Variants in ZNF736 observed in about 807,000 individuals in gnomAD.
The protein encoded by ZNF736 is KRAB-containing zinc-finger repressor protein.
ZNF736 carries 6 observed loss-of-function variants against 11.7 expected under a neutral mutation model. The observed-to-expected ratio is 0.51, with a 90% CI of 0.28 to 1.01. ZNF736 has a LOEUF of 1.01. Ranked by LOEUF, ZNF736 falls within the 50% of genes least tolerant of loss-of-function variation. The pLI, the probability that ZNF736 is intolerant of heterozygous loss-of-function variation, is 0.09. For missense variants in ZNF736, 444 were observed against 496.0 expected (o/e 0.90, Z 1.00); for synonymous variants, 139 against 164.7 (o/e 0.84, Z 1.19).
chr7:64,327,361 A>G (rs1789096678), intron 1 of ZNF736, among the ~76,000 whole-genome samples: 1 of 151,968 alleles, frequency 6.6e-6, no homozygotes, highest in Non-Finnish European at 1.5e-5. Flanking sequence ...TTCCATTTGC[A>G]TGAAATATCT....
chr7:64,326,285 T>C (rs1789081760), intron 1 of ZNF736, among the ~76,000 whole-genome samples: 1 of 152,176 alleles, frequency 6.6e-6, no homozygotes, highest in South Asian at 2.1e-4. Context: ...TGCCCCAAAA[T>C]CTGCAGGCAG....
At chr7:64,347,982 A>C (rs1789433887) in intron 3 of ZNF736, 108 bp from the exon 4 acceptor site, 2 of 987,074 alleles carry the variant, frequency 2.0e-6, no homozygotes, top group South Asian at 3.7e-5. Flanking sequence ...AAGAATATAG[A>C]GCCTGTGGTA....
intron 1 of ZNF736, among the ~76,000 whole-genome samples, chr7:64,334,481 G>A (rs182798512): frequency 1.3e-5 from 2 of 152,154 alleles, no homozygotes; most frequent in East Asian, 3.9e-4. Flanking sequence ...GTGGGTGAAG[G>A]ATGTAAACAG....
chr7:64,340,322 G>A (rs1168493625), intron 3 of ZNF736, among the ~76,000 whole-genome samples: 1 of 152,170 alleles, frequency 6.6e-6, no homozygotes, highest in Non-Finnish European at 1.5e-5. Context: ...CCACAAACAG[G>A]CATCTTTCTC....
intron 1 of ZNF736, among the ~76,000 whole-genome samples, chr7:64,331,869 G>A (rs1451383902): frequency 6.6e-6 from 1 of 152,162 alleles, no homozygotes; most frequent in Non-Finnish European, 1.5e-5. Flanking sequence ...AGGCAACTGA[G>A]TGATGGAAAG....
chr7:64,319,513 T>A (rs1788973429), intron 1 of ZNF736, among the ~76,000 whole-genome samples: 9 of 120,370 alleles, frequency 7.5e-5, no homozygotes, highest in African/African-American at 1.0e-4. Context: ...TTTTTTTTTT[T>A]GAGACAGAGT....
At position 64,353,263 on chromosome 7, in the gene ZNF736, T is replaced by TC. The variant is rs1256950841; in HGVS notation, c.*4119dup. The stretch of plus-strand genomic sequence containing the variant: ...GGAGGTTCCCTTGGCTCCATGTTGT[T>TC]CCCAGGTGGCCCATTGTCCTGCCTT... On this transcript the variant is annotated 3_prime_UTR_variant, in exon 4 of 4. Coordinates refer to ENST00000423484, the MANE Select transcript of ZNF736 (RefSeq NM_001170905.3). 6.6e-6 allele frequency: 1 copy of TC among 152,216 alleles called. No homozygotes were observed. The highest frequency in any genetic ancestry group is 1.5e-5 in the Non-Finnish European group (1 of 68,082). 9.4% of individuals were successfully genotyped at this position (152,216 alleles called of 1,614,324 possible). A position where few individuals can be genotyped will look rare whatever the true frequency, so the allele number is the denominator to read the frequency against.
chr7:64,331,935 G>A (rs1477929472), intron 1 of ZNF736, among the ~76,000 whole-genome samples: 1 of 151,958 alleles, frequency 6.6e-6, no homozygotes, highest in Non-Finnish European at 1.5e-5. Context: ...AACCTCTCTT[G>A]TGATAAAGAA....
At position 64,355,304 on chromosome 7, in the gene ZNF736, G is replaced by T; in HGVS notation, c.*6157G>T. ...CTTTTCATATAGATTAATAAAATATGGTTTTAGTCTTCCTTCTCTATATTC... is the reference window on the plus strand; with the variant it reads ...CTTTTCATATAGATTAATAAAATATTGTTTTAGTCTTCCTTCTCTATATTC... On this transcript the variant is annotated 3_prime_UTR_variant, in exon 4 of 4. Transcript: ENST00000423484. 1 of 160,374 alleles carries T rather than the reference G, an allele frequency of 6.2e-6. No individual in the cohort carries two copies. The allele number at this position is 160,374 out of a possible 1,614,324, so 9.9% of individuals were successfully genotyped here.
Position 64,348,551 on chromosome 7 carries a change from A to T in ZNF736, c.688A>T (p.Lys230Ter). Residue 230 changes from lysine (K) to a stop codon, truncating the protein, a stop_gained, in exon 4 of 4, where the codon AAA becomes TAA. Transcript: ENST00000423484. LOFTEE classifies it low-confidence loss of function (END_TRUNC). ...KRVHTGEKPYKCEGCGKTFTC... is the reference protein window; with the variant it reads ...KRVHTGEKPY ...AGTTCATACTGGAGAGAAACCTTAC[A>T]AATGTGAAGGATGTGGCAAAACTTT... The T allele has an allele frequency of 1.3e-6, 2 of 1,587,210 alleles. No individual in the cohort carries two copies. Among genetic ancestry groups the T allele is most frequent in the East Asian group, 4.6e-5 (2 of 43,458 alleles).
intron 3 of ZNF736, among the ~76,000 whole-genome samples, chr7:64,340,398 G>A (rs904082652): frequency 1.3e-5 from 2 of 149,322 alleles, no homozygotes; most frequent in African/African-American, 5.0e-5. Flanking sequence ...TGGTTATGGA[G>A]TCACTACAGA....
rs929760383 is a variant in ZNF736 at position 64,354,722 on chromosome 7, T to C, written c.*5575T>C. Reference sequence around the variant, plus strand: ...GAGTAATTTCACAGTGCGTGTATTGTATGTTATTTAGTGTATTTTATATTT... The same window carrying C: ...GAGTAATTTCACAGTGCGTGTATTGCATGTTATTTAGTGTATTTTATATTT... On this transcript the variant is annotated 3_prime_UTR_variant, in exon 4 of 4. Coordinates refer to ENST00000423484, the MANE Select transcript of ZNF736 (RefSeq NM_001170905.3). 6.6e-6 allele frequency: 1 copy of C among 152,232 alleles called. No individual in the cohort carries two copies. The highest frequency in any genetic ancestry group is 2.4e-5 in the African/African-American group (1 of 41,468). The allele number at this position is 152,232 out of a possible 1,614,324, so 9.4% of individuals were successfully genotyped here.
intron 1 of ZNF736, among the ~76,000 whole-genome samples, chr7:64,319,333 G>GTGTGTGTGTATATA (rs1175526690): frequency 1.4e-5 from 1 of 71,638 alleles, no homozygotes; most frequent in Non-Finnish European, 2.9e-5. Context: ...GTGTGTATGT[G>GTGTGTGTGTATATA]TATATATATA....
chr7:64,354,240 C>G lies in ZNF736; in HGVS notation c.*5093C>G, dbSNP rs1789526013. On this transcript the variant is annotated 3_prime_UTR_variant, in exon 4 of 4. Transcript: ENST00000423484. The stretch of plus-strand genomic sequence containing the variant: ...TTTTTCTGTTGAACATATGACTTCT[C>G]TGGTCTGCTAAACACATACAGACCT... 1 of 152,148 alleles carries G rather than the reference C, an allele frequency of 6.6e-6. No homozygotes were observed. The highest frequency in any genetic ancestry group is 1.5e-5 in the Non-Finnish European group (1 of 67,998). 9.4% of individuals were successfully genotyped at this position (152,148 alleles called of 1,614,324 possible).
At position 64,348,807 on chromosome 7, in the gene ZNF736, G is replaced by A; in HGVS notation, c.944G>A (p.Cys315Tyr). 6.3e-7 allele frequency: 1 copy of A among 1,586,796 alleles called. No homozygotes were observed. The highest frequency in any genetic ancestry group is 1.1e-5 in the South Asian group (1 of 88,460). The part of the protein sequence containing the change: ...IIHTGDKPYT[C>Y]NECGKAFKWF... ...CATACTGGAGACAAACCCTACACATGTAATGAATGTGGAAAAGCTTTTAAG... is the reference window on the plus strand; with the variant it reads ...CATACTGGAGACAAACCCTACACATATAATGAATGTGGAAAAGCTTTTAAG... Residue 315 changes from cysteine to tyrosine, a missense_variant, in exon 4 of 4, where the codon TGT becomes TAT. By Grantham distance (194) the Cys-to-Tyr change is radical. Coordinates refer to ENST00000423484, the MANE Select transcript of ZNF736 (RefSeq NM_001170905.3).
At chr7:64,320,912 G>A (rs549894826) in intron 1 of ZNF736, among the ~76,000 whole-genome samples, 3 of 152,116 alleles carry the variant, frequency 2.0e-5, no homozygotes, top group Non-Finnish European at 2.9e-5. Flanking sequence ...AAGTCATGTC[G>A]GTACATTTAC....
chr7:64,334,895 A>G (rs113404800), intron 1 of ZNF736, among the ~76,000 whole-genome samples: 17,893 of 152,310 alleles, frequency 0.12, 1,411 homozygotes, highest in Non-Finnish European at 0.17. Flanking sequence ...CCAAATGCCC[A>G]TCAATGATAG....
rs1374130645 is a variant in ZNF736 at position 64,356,558 on chromosome 7, ATAAAC to A, written c.*7415_*7419del. On this transcript the variant is annotated 3_prime_UTR_variant, in exon 4 of 4. Coordinates refer to ENST00000423484, the MANE Select transcript of ZNF736 (RefSeq NM_001170905.3). ...ATGTAAAATAATTTATACAAGTAAT[ATAAAC>A]TAAGTTTACTTAAATTATTTACTTA... Among the ~76,000 whole-genome samples the A allele has an allele frequency of 2.0e-5, 3 of 152,176 alleles. No homozygotes were observed. The highest frequency in any genetic ancestry group is 7.2e-5 in the African/African-American group (3 of 41,468).
intron 1 of ZNF736, among the ~76,000 whole-genome samples, chr7:64,335,071 C>T (rs2115925466): frequency 6.6e-6 from 1 of 152,274 alleles, no homozygotes; most frequent in South Asian, 2.1e-4. Flanking sequence ...CATGTTCTCA[C>T]TCATAAGTAG....
Sources: gnomAD v4.1 joint callset for allele counts (sites outside exome capture counted in the v4.1 genomes callset) on GRCh38, gnomAD v4.1.1 for gene constraint, MANE v1.5 for transcripts, NCBI Gene and HGNC (gene_info 2026-07-23, HGNC 2026-07-21) for gene names.